Variants in PROS1 observed in about 807,000 individuals in gnomAD.
PROS1 encodes the protein protein S, also known as vitamin K-dependent protein S.
In PROS1, 29 loss-of-function variants were observed where a neutral mutation model predicts 75.9. That is an observed-to-expected ratio of 0.38 (90% confidence interval 0.28 to 0.52). The LOEUF (loss-of-function observed/expected upper bound fraction) is 0.52. PROS1 is among the 20% of genes least tolerant of loss of function. The probability of loss-of-function intolerance (pLI) is 0.83; values close to 1 mark genes in which losing one functional copy is unlikely to be tolerated. For missense variants in PROS1, 680 were observed against 810.3 expected (o/e 0.84, Z 1.95); for synonymous variants, 245 against 280.6 (o/e 0.87, Z 1.27).
intron 6 of PROS1, among the ~76,000 whole-genome samples, chr3:93,905,407 GT>G (rs1439768578): frequency 6.6e-6 from 1 of 152,116 alleles, no homozygotes; most frequent in Non-Finnish European, 1.5e-5. Flanking sequence ...TTCAAGATCA[GT>G]TTGGGCAACA....
At chr3:93,952,742 A>C (rs1466269913) in intron 1 of PROS1, among the ~76,000 whole-genome samples, 2 of 152,218 alleles carry the variant, frequency 1.3e-5, no homozygotes, top group African/African-American at 4.8e-5. Flanking sequence ...GCAGAACTGA[A>C]GGAGATAGAG....
intron 1 of PROS1, chr3:93,928,557 A>G (rs1003367657): frequency 7.3e-6 from 2 of 274,648 alleles, no homozygotes; most frequent in Non-Finnish European, 1.5e-5. Flanking sequence ...AAAAAGCCAT[A>G]CCATCTTTAA....
At chr3:93,895,952 A>G (rs1708495905) in intron 9 of PROS1, among the ~76,000 whole-genome samples, 1 of 152,190 alleles carries the variant, frequency 6.6e-6, no homozygotes, top group Non-Finnish European at 1.5e-5. Context: ...GAACAAAGCA[A>G]GACTCTGTCT....
intron 1 of PROS1, among the ~76,000 whole-genome samples, chr3:93,939,341 G>A (rs752568501): frequency 3.0e-4 from 45 of 151,658 alleles, no homozygotes; most frequent in Non-Finnish European, 5.4e-4. Context: ...CCTCTCGCCC[G>A]TCCCCTCAGT....
At chr3:93,925,171 C>T (rs1429513292) in intron 2 of PROS1, among the ~76,000 whole-genome samples, 2 of 152,130 alleles carry the variant, frequency 1.3e-5, no homozygotes, top group South Asian at 2.1e-4. Flanking sequence ...TCCACAAAAG[C>T]ATTCTTAAGC....
chr3:93,892,543 G>C (rs934031719), intron 10 of PROS1, among the ~76,000 whole-genome samples: 2 of 150,866 alleles, frequency 1.3e-5, no homozygotes, highest in African/African-American at 4.9e-5. Context: ...AGAATCACTT[G>C]AACCTGGGAG....
chr3:93,893,213 CACAG>C (rs1379418206), intron 9 of PROS1, 91 bp from the exon 10 acceptor site: 22 of 1,150,808 alleles, frequency 1.9e-5, no homozygotes, highest in Non-Finnish European at 2.2e-5. Context: ...CAAACAGTAA[CACAG>C]ACAAAGAGTC....
intron 8 of PROS1, among the ~76,000 whole-genome samples, chr3:93,898,121 T>C (rs1461859990): frequency 6.6e-6 from 1 of 152,064 alleles, no homozygotes; most frequent in Non-Finnish European, 1.5e-5. Context: ...GAGAGATTTT[T>C]TTTCACAATG....
intron 1 of PROS1, among the ~76,000 whole-genome samples, chr3:93,966,432 C>A (rs1709789625): frequency 6.6e-6 from 1 of 152,200 alleles, no homozygotes; most frequent in Non-Finnish European, 1.5e-5. Context: ...GAATGACCTA[C>A]TTAATGACCA....
Position 93,928,011 on chromosome 3 carries a change from A to ATATATATTT in PROS1, c.77-605_77-604insAAATATATA, listed in dbSNP as rs1235149837. On this transcript the variant is annotated intron_variant, in intron 1 of 14. Transcript: ENST00000394236. ...TGTGTGTGTATATATATATATATAT[A>ATATATATTT]TTTTTTTTTTTTTTTTTTTTTGAGA... is the stretch of plus-strand genomic sequence containing the variant. Among the ~76,000 whole-genome samples, 102 of 44,456 alleles carry ATATATATTT rather than the reference A, an allele frequency of 2.3e-3. 4 individuals are homozygous for ATATATATTT. The highest frequency in any genetic ancestry group is 3.2e-3 in the Non-Finnish European group (81 of 25,542). The allele number at this position is 44,456 out of a possible 152,430, so 29.2% of individuals were successfully genotyped here.
chr3:93,945,501 C>A (rs1176625785), intron 1 of PROS1, among the ~76,000 whole-genome samples: 1 of 152,102 alleles, frequency 6.6e-6, no homozygotes, highest in Admixed American at 6.5e-5. Context: ...AAGGCTGGTT[C>A]AACATATGTA....
At chr3:93,876,341 C>T (rs1708186470) in intron 14 of PROS1, among the ~76,000 whole-genome samples, 1 of 152,122 alleles carries the variant, frequency 6.6e-6, no homozygotes, top group South Asian at 2.1e-4. Flanking sequence ...GTAATCCCAG[C>T]ACTTTGGGAG....
chr3:93,937,368 ATTT>A (rs11345121), intron 1 of PROS1, among the ~76,000 whole-genome samples: 10 of 129,424 alleles, frequency 7.7e-5, no homozygotes, highest in East Asian at 2.2e-4. Context: ...TCATGAGTTG[ATTT>A]TTTTTTTTTT....
intron 1 of PROS1, among the ~76,000 whole-genome samples, chr3:93,951,084 A>T (rs1400289842): frequency 6.6e-6 from 1 of 152,212 alleles, no homozygotes; most frequent in Non-Finnish European, 1.5e-5. Flanking sequence ...TCCAAGAAAT[A>T]TGGGACTATG....
chr3:93,970,427 C>T (rs1709859892), intron 1 of PROS1, among the ~76,000 whole-genome samples: 1 of 152,170 alleles, frequency 6.6e-6, no homozygotes, highest in African/African-American at 2.4e-5. Flanking sequence ...CCTCAACCTC[C>T]TGGGCTCAAG....
At chr3:93,933,733 G>A (rs2107213221) in intron 1 of PROS1, among the ~76,000 whole-genome samples, 1 of 152,276 alleles carries the variant, frequency 6.6e-6, no homozygotes. Flanking sequence ...AGACTAGCCT[G>A]GCCAACATGG....
intron 3 of PROS1, among the ~76,000 whole-genome samples, chr3:93,918,570 C>T (rs781098142): frequency 6.6e-6 from 1 of 152,146 alleles, no homozygotes; most frequent in African/African-American, 2.4e-5. Context: ...GGAACAAACT[C>T]CTGATACGCC....
At chr3:93,964,633 T>G (rs1232968334) in intron 1 of PROS1, among the ~76,000 whole-genome samples, 1 of 152,208 alleles carries the variant, frequency 6.6e-6, no homozygotes, top group Non-Finnish European at 1.5e-5. Flanking sequence ...ATTCTGCTTT[T>G]GCCCTTTGCC....
Position 93,884,732 on chromosome 3 carries a change from A to T in PROS1, c.1488T>A (p.Asp496Glu), listed in dbSNP as rs770570577. 12 of 1,611,918 alleles carry T rather than the reference A, an allele frequency of 7.4e-6. No homozygotes were observed. The highest frequency in any genetic ancestry group is 1.3e-5 in the African/African-American group (1 of 74,884). Reference protein sequence around the residue: ...PGSGIAQFHIDYNNVSSAEGW... With the variant: ...PGSGIAQFHIEYNNVSSAEGW... ...GATAAATGGAAAATCACTTACTATA[A>T]TCTATGTGAAATTGAGCAATTCCAG... The change falls in exon 12 of 15, where the codon GAT becomes GAA. Residue 496 changes from aspartate (D) to glutamate (E), a missense_variant. Transcript: ENST00000394236.
Sources: gnomAD v4.1 joint callset for allele counts (sites outside exome capture counted in the v4.1 genomes callset) on GRCh38, gnomAD v4.1.1 for gene constraint, MANE v1.5 for transcripts, NCBI Gene and HGNC (gene_info 2026-07-23, HGNC 2026-07-21) for gene names.